IGSF10: variants seen among roughly 807,000 people sequenced by gnomAD.
The protein encoded by IGSF10 is calvaria mechanical force protein 608.
Under a neutral mutation model 128.2 loss-of-function variants are expected in IGSF10, and 126 were observed. That is an observed-to-expected ratio of 0.98 (90% CI 0.85 to 1.14). The LOEUF (loss-of-function observed/expected upper bound fraction) is 1.14. IGSF10 is among the 50% of genes most tolerant of loss of function. The probability of loss-of-function intolerance (pLI) is 0.00; values close to 1 mark genes in which losing one functional copy is unlikely to be tolerated. For synonymous variants in IGSF10, 1,185 were observed against 1,146.2 expected (o/e 1.03, Z -0.68); for missense variants, 3,295 against 3,149.8 (o/e 1.05, Z -1.10).
chr3:151,598,282 A>T, the IGSF10 span, among the ~76,000 whole-genome samples: 1 of 152,208 alleles, frequency 6.6e-6, no homozygotes, highest in Admixed American at 6.5e-5. Flanking sequence ...CATCAAGAAG[A>T]GCTGGCCTTT....
At chr3:151,599,937 G>T in the IGSF10 span, among the ~76,000 whole-genome samples, 3 of 152,250 alleles carry the variant, frequency 2.0e-5, no homozygotes, top group South Asian at 6.2e-4. Flanking sequence ...AGTATGAGTG[G>T]CTGTCCAAGG....
the IGSF10 span, among the ~76,000 whole-genome samples, chr3:151,503,204 A>G: frequency 6.6e-5 from 10 of 152,142 alleles, no homozygotes; most frequent in Admixed American, 4.6e-4. Flanking sequence ...TTACAAATAA[A>G]TCTTCAAGTA....
chr3:151,452,778 G>A (rs1050390881), intron 5 of IGSF10, among the ~76,000 whole-genome samples: 2 of 152,056 alleles, frequency 1.3e-5, no homozygotes, highest in Non-Finnish European at 2.9e-5. Context: ...TGGAAGTATA[G>A]GCAAACAACC....
chr3:151,602,256 G>T, the IGSF10 span, among the ~76,000 whole-genome samples: 1 of 152,096 alleles, frequency 6.6e-6, no homozygotes, highest in Non-Finnish European at 1.5e-5. Context: ...TATTGAATTG[G>T]ATAATCCTTT....
chr3:151,460,733 GTTT>G (rs201403882), intron 1 of IGSF10, among the ~76,000 whole-genome samples: 1 of 142,892 alleles, frequency 7.0e-6, no homozygotes, highest in African/African-American at 2.5e-5. Flanking sequence ...CTCAGTGTGT[GTTT>G]TTTTTTTTTG....
chr3:151,496,666 T>A, the IGSF10 span, among the ~76,000 whole-genome samples: 1 of 151,138 alleles, frequency 6.6e-6, no homozygotes, highest in East Asian at 1.9e-4. Flanking sequence ...TATAGCAGCA[T>A]GATTTATAAT....
the IGSF10 span, among the ~76,000 whole-genome samples, chr3:151,529,966 A>C: frequency 4.6e-5 from 7 of 152,028 alleles, no homozygotes; most frequent in African/African-American, 1.7e-4. Context: ...ACCTTGAAAA[A>C]AGGTTAGACG....
the IGSF10 span, among the ~76,000 whole-genome samples, chr3:151,525,546 G>A: frequency 1.5e-4 from 23 of 152,108 alleles, no homozygotes; most frequent in Admixed American, 1.5e-3. Context: ...TTGAGATCAC[G>A]GTGCCAGCCA....
rs769104804 is a variant in IGSF10 at position 151,443,465 on chromosome 3, G to A, written c.5482C>T (p.Gln1828Ter). The part of the protein sequence containing the change: ...YKCVASNPGG[Q>*]DSLLVKIQVI... ...TGTATTTTAACCAGCAGTGAATCCT[G>A]GCCACCTGGGTTGCTGGCCACACAT... Residue 1828 changes from glutamine (Q) to a stop codon, truncating the protein, a stop_gained, in exon 7 of 8, where the codon CAG becomes TAG. Coordinates refer to ENST00000282466, the MANE Select transcript of IGSF10 (RefSeq NM_178822.5). LOFTEE classifies it high-confidence loss of function. 7 of 1,614,166 alleles carry A rather than the reference G, an allele frequency of 4.3e-6. No homozygotes were observed. In the Admixed American group the frequency reaches 5.0e-5, roughly 12 times the overall value.
Position 151,448,107 on chromosome 3 carries a change from A to G in IGSF10, c.1874T>C (p.Leu625Pro), listed in dbSNP as rs759005116. ...LYQSSRDKKV[L>P]NNGTLRILQV... ...TAATATTCTTAATGTGCCATTGTTT[A>G]GAACTTTCTTGTCTCTTGATGACTG... Residue 625 changes from leucine to proline, a missense_variant, in exon 6 of 8, where the codon CTA becomes CCA. Coordinates refer to ENST00000282466, the MANE Select transcript of IGSF10 (RefSeq NM_178822.5). The G allele has an allele frequency of 1.2e-6, 2 of 1,614,200 alleles. 1 individual carries two copies. Among genetic ancestry groups the G allele is most frequent in the Non-Finnish European group, 1.7e-6 (2 of 1,180,030 alleles).
At chr3:151,525,261 A>C in the IGSF10 span, among the ~76,000 whole-genome samples, 2 of 152,048 alleles carry the variant, frequency 1.3e-5, no homozygotes, top group African/African-American at 2.4e-5. Context: ...AAATTCGAGT[A>C]GTTTACGGAA....
rs767912528 is a variant in IGSF10, at chr3:151,457,102, A to G, written c.248T>C (p.Leu83Pro). The G allele has an allele frequency of 1.9e-6, 3 of 1,614,040 alleles. No individual in the cohort carries two copies. In the African/African-American group the frequency reaches 4.0e-5, roughly 22 times the overall value. Residue 83 changes from leucine to proline, a missense_variant, in exon 4 of 8, where the codon CTG becomes CCG. Physicochemically the swap from Leu to Pro is moderately conservative, Grantham distance 98 (BLOSUM62 -3). Coordinates refer to ENST00000282466, the MANE Select transcript of IGSF10 (RefSeq NM_178822.5). Reference sequence around the variant, plus strand: ...ATTGCTGTGAAGCATGAGTAACTCCAGTTTGGTCAGGCCAGAAAAATCTGT... The same window carrying G: ...ATTGCTGTGAAGCATGAGTAACTCCGGTTTGGTCAGGCCAGAAAAATCTGT... ...METDFSGLTK[L>P]ELLMLHSNGI... is the part of the protein sequence containing the mutation.
chr3:151,507,101 T>C, the IGSF10 span, among the ~76,000 whole-genome samples: 2 of 152,194 alleles, frequency 1.3e-5, no homozygotes, highest in African/African-American at 4.8e-5. Flanking sequence ...GGTGACATGT[T>C]CTTAGTGCCT....
At chr3:151,440,320 A>T (rs1028341203) in intron 7 of IGSF10, among the ~76,000 whole-genome samples, 1 of 152,120 alleles carries the variant, frequency 6.6e-6, no homozygotes, top group Non-Finnish European at 1.5e-5. Context: ...GTGAACCACC[A>T]CACCCAGTCA....
At chr3:151,523,772 A>G in the IGSF10 span, among the ~76,000 whole-genome samples, 2 of 152,222 alleles carry the variant, frequency 1.3e-5, no homozygotes, top group Non-Finnish European at 2.9e-5. Context: ...CAAAGACACC[A>G]AAAGCAATCG....
At chr3:151,530,544 G>C in the IGSF10 span, among the ~76,000 whole-genome samples, 83 of 152,142 alleles carry the variant, frequency 5.5e-4, no homozygotes, top group African/African-American at 1.9e-3. Flanking sequence ...AGAGAGTGGG[G>C]GGCAGGGGGC....
the IGSF10 span, among the ~76,000 whole-genome samples, chr3:151,561,195 G>A: frequency 6.6e-6 from 1 of 152,150 alleles, no homozygotes; most frequent in Non-Finnish European, 1.5e-5. Context: ...CCCAAGGAGA[G>A]TCTTGAAATC....
the IGSF10 span, among the ~76,000 whole-genome samples, chr3:151,586,340 A>G: frequency 6.6e-6 from 1 of 152,220 alleles, no homozygotes; most frequent in Non-Finnish European, 1.5e-5. Flanking sequence ...ATGAAAAAGA[A>G]TATTTCTTTC....
chr3:151,459,990 G>T (rs1721976823), intron 2 of IGSF10, among the ~76,000 whole-genome samples: 1 of 152,180 alleles, frequency 6.6e-6, no homozygotes, highest in Non-Finnish European at 1.5e-5. Context: ...TTAATCATAT[G>T]ACCACTTTTG....
Sources: allele counts gnomAD v4.1 joint callset (sites outside exome capture counted in the v4.1 genomes callset), GRCh38; gene constraint gnomAD v4.1.1; transcripts MANE v1.5; gene names NCBI Gene and HGNC (gene_info 2026-07-23, HGNC 2026-07-21).